Variants in NAV2 observed in about 807,000 individuals in gnomAD.
NAV2 encodes the protein helicase, APC down-regulated 1.
In NAV2, 54 loss-of-function variants were observed where a neutral mutation model predicts 223.2. The ratio of observed to expected loss-of-function variants is 0.24; its 90% CI spans 0.19 to 0.30. The LOEUF is 0.30. Ranked by LOEUF, NAV2 falls within the 10% of genes least tolerant of loss-of-function variation. NAV2 has a pLI of 1.00. For synonymous variants in NAV2, 1,279 were observed against 1,239.3 expected (o/e 1.03, Z -0.67); for missense variants, 2,806 against 3,147.5 (o/e 0.89, Z 2.60).
chr11:19,902,084 T>A (rs1172979403), intron 6 of NAV2, among the ~76,000 whole-genome samples: 3 of 152,182 alleles, frequency 2.0e-5, no homozygotes, highest in Non-Finnish European at 4.4e-5. Context: ...AGCACTGTCC[T>A]GTTCAGAGGA....
chr11:19,862,866 G>A (rs116428916), intron 3 of NAV2, among the ~76,000 whole-genome samples: 1 of 152,150 alleles, frequency 6.6e-6, no homozygotes, highest in Non-Finnish European at 1.5e-5. Context: ...ACATTTAGGA[G>A]GGCATTTCCC....
At chr11:19,919,307 T>C (rs2044070916) in intron 6 of NAV2, among the ~76,000 whole-genome samples, 1 of 151,072 alleles carries the variant, frequency 6.6e-6, no homozygotes, top group Non-Finnish European at 1.5e-5. Context: ...GCCATGCACG[T>C]GGGTGAGAAG....
chr11:19,910,160 C>T (rs780396670), intron 6 of NAV2, among the ~76,000 whole-genome samples: 35 of 152,164 alleles, frequency 2.3e-4, no homozygotes, highest in Non-Finnish European at 4.3e-4. Context: ...GATTAAATAA[C>T]GGGCCTACAT....
chr11:19,804,524 A>G (rs915425870), intron 1 of NAV2, among the ~76,000 whole-genome samples: 1 of 152,212 alleles, frequency 6.6e-6, no homozygotes, highest in Non-Finnish European at 1.5e-5. Flanking sequence ...GTTAATCAGC[A>G]TATTGTGATA....
intron 17 of NAV2, among the ~76,000 whole-genome samples, chr11:20,051,837 T>C (rs1292026889): frequency 6.6e-6 from 1 of 152,190 alleles, no homozygotes; most frequent in Non-Finnish European, 1.5e-5. Flanking sequence ...AATATTCTAA[T>C]GGAAAATTGG....
At chr11:20,097,119 G>A (rs1324458254) in intron 30 of NAV2, among the ~76,000 whole-genome samples, 1 of 152,192 alleles carries the variant, frequency 6.6e-6, no homozygotes. Context: ...AAGATCTAGA[G>A]CTGATTTTTT....
intron 1 of NAV2, among the ~76,000 whole-genome samples, chr11:19,632,787 C>T (rs2047383723): frequency 6.6e-6 from 1 of 152,244 alleles, no homozygotes; most frequent in South Asian, 2.1e-4. Context: ...GAGTTCATGA[C>T]TTCTACATGC....
At chr11:19,547,880 C>T (rs940799600) in intron 1 of NAV2, among the ~76,000 whole-genome samples, 1 of 152,162 alleles carries the variant, frequency 6.6e-6, no homozygotes, top group African/African-American at 2.4e-5. Context: ...CTAATTAAAA[C>T]AAAGCAATTG....
intron 1 of NAV2, among the ~76,000 whole-genome samples, chr11:19,742,571 A>G (rs2052943380): frequency 6.6e-6 from 1 of 152,102 alleles, no homozygotes; most frequent in Non-Finnish European, 1.5e-5. Context: ...CTGGCAGTTC[A>G]TGCCTCCTTG....
At chr11:19,619,522 A>G (rs2046917595) in intron 1 of NAV2, among the ~76,000 whole-genome samples, 1 of 152,096 alleles carries the variant, frequency 6.6e-6, no homozygotes, top group Non-Finnish European at 1.5e-5. Flanking sequence ...GATGATGAGC[A>G]TTTTTTCACG....
chr11:19,987,364 C>T (rs2153458608), intron 11 of NAV2, among the ~76,000 whole-genome samples: 1 of 152,300 alleles, frequency 6.6e-6, no homozygotes, highest in East Asian at 1.9e-4. Flanking sequence ...TAGCCTGGTC[C>T]TTTTTCCATT....
chr11:19,435,381 C>A (rs1851180130), intron 1 of NAV2, among the ~76,000 whole-genome samples: 1 of 152,032 alleles, frequency 6.6e-6, no homozygotes, highest in Non-Finnish European at 1.5e-5. Context: ...CTAGGTTCAT[C>A]CATGTTGTCA....
intron 6 of NAV2, among the ~76,000 whole-genome samples, chr11:19,930,443 A>G (rs964556039): frequency 4.6e-5 from 7 of 152,226 alleles, no homozygotes; most frequent in Admixed American, 4.6e-4. Flanking sequence ...GGAAAGAGGA[A>G]CATACCTTTG....
intron 3 of NAV2, among the ~76,000 whole-genome samples, chr11:19,850,408 G>A (rs779381743): frequency 6.6e-6 from 1 of 152,198 alleles, no homozygotes; most frequent in Non-Finnish European, 1.5e-5. Context: ...CCTGTAGTCA[G>A]CATTTAGTAA....
At chr11:19,418,175 A>G (rs562932543) in intron 1 of NAV2, among the ~76,000 whole-genome samples, 1 of 152,224 alleles carries the variant, frequency 6.6e-6, no homozygotes, top group South Asian at 2.1e-4. Flanking sequence ...TGGCATCAAG[A>G]TAGTACAAGC....
At chr11:19,695,626 G>T (rs550030317) in intron 1 of NAV2, among the ~76,000 whole-genome samples, 1 of 152,166 alleles carries the variant, frequency 6.6e-6, no homozygotes, top group African/African-American at 2.4e-5. Context: ...TGGATGGGCC[G>T]GGCATGGTGG....
At chr11:19,648,885 T>C (rs1022900284) in intron 1 of NAV2, among the ~76,000 whole-genome samples, 1 of 152,198 alleles carries the variant, frequency 6.6e-6, no homozygotes, top group African/African-American at 2.4e-5. Flanking sequence ...CTAGAAACAA[T>C]TAATGTTAAT....
At chr11:19,740,262 T>C (rs1297588950) in intron 1 of NAV2, among the ~76,000 whole-genome samples, 3 of 152,276 alleles carry the variant, frequency 2.0e-5, no homozygotes, top group South Asian at 4.1e-4. Context: ...GGGGACATTG[T>C]GGGCAAAGAC....
chr11:19,431,239 C>T (rs1164913661), intron 1 of NAV2, among the ~76,000 whole-genome samples: 18 of 152,186 alleles, frequency 1.2e-4, no homozygotes, highest in Admixed American at 1.2e-3. Context: ...GGAATCGGCA[C>T]AGCAGGCTGT....
Sources: gnomAD v4.1 joint callset for allele counts (sites outside exome capture counted in the v4.1 genomes callset) on GRCh38, gnomAD v4.1.1 for gene constraint, MANE v1.5 for transcripts, NCBI Gene and HGNC (gene_info 2026-07-23, HGNC 2026-07-21) for gene names.